EDDM3A: variants seen among roughly 807,000 people sequenced by gnomAD.
The protein encoded by EDDM3A is epididymal protein 3A.
For missense variants in EDDM3A, 199 were observed against 177.4 expected (o/e 1.12, Z -0.69); for synonymous variants, 75 against 60.4 (o/e 1.24, Z -1.12).
upstream of EDDM3A, among the ~76,000 whole-genome samples, chr14:20,745,525 CAA>C (rs5807049): frequency 2.9e-5 from 4 of 137,392 alleles, no homozygotes; most frequent in African/African-American, 2.7e-5. Context: ...GACTCCATCT[CAA>C]AAAAAAAAAA....
At chr14:20,739,653 C>T in the EDDM3A span, among the ~76,000 whole-genome samples, 1 of 152,186 alleles carries the variant, frequency 6.6e-6, no homozygotes, top group Non-Finnish European at 1.5e-5. Context: ...GCATTTCAGC[C>T]ATTCTAATAG....
the EDDM3A span, among the ~76,000 whole-genome samples, chr14:20,740,448 T>C: frequency 6.6e-6 from 1 of 152,234 alleles, no homozygotes; most frequent in African/African-American, 2.4e-5. Flanking sequence ...AAAACATCTC[T>C]GGTAAGTGTT....
At chr14:20,745,017 T>G (rs1375335343), upstream of EDDM3A, among the ~76,000 whole-genome samples, 1 of 151,256 alleles carries the variant, frequency 6.6e-6, no homozygotes, top group Non-Finnish European at 1.5e-5. Context: ...GGCTCAGGAG[T>G]TCAAGACCAA....
chr14:20,745,514 A>G (rs1465257459), upstream of EDDM3A, among the ~76,000 whole-genome samples: 2 of 141,974 alleles, frequency 1.4e-5, no homozygotes, highest in East Asian at 4.4e-4. Context: ...CAACAGAGCG[A>G]GACTCCATCT....
At chr14:20,740,257 T>C in the EDDM3A span, among the ~76,000 whole-genome samples, 673 of 152,342 alleles carry the variant, frequency 4.4e-3, 30 homozygotes, top group East Asian at 0.1. Flanking sequence ...TCTATTATGG[T>C]TAAAGTTTAG....
At chr14:20,738,249 G>A in the EDDM3A span, among the ~76,000 whole-genome samples, 50 of 152,038 alleles carry the variant, frequency 3.3e-4, 1 homozygote, top group African/African-American at 9.7e-4. Flanking sequence ...CGAAGCAGGC[G>A]GATCACAAGG....
chr14:20,740,572 C>T, the EDDM3A span, among the ~76,000 whole-genome samples: 7 of 152,322 alleles, frequency 4.6e-5, no homozygotes, highest in South Asian at 1.4e-3. Context: ...GACATTTTTA[C>T]CAATTGGAAG....
At chr14:20,738,717 A>G in the EDDM3A span, among the ~76,000 whole-genome samples, 1 of 152,202 alleles carries the variant, frequency 6.6e-6, no homozygotes, top group Non-Finnish European at 1.5e-5. Flanking sequence ...TCTCACGTAT[A>G]CATGGGAGAA....
At chr14:20,743,485 G>A (rs1048272663), upstream of EDDM3A, among the ~76,000 whole-genome samples, 1 of 147,442 alleles carries the variant, frequency 6.8e-6, no homozygotes, top group Non-Finnish European at 1.5e-5. Context: ...AGGAGGCAGA[G>A]GTTCCAGTGA....
At chr14:20,738,092 A>C in the EDDM3A span, among the ~76,000 whole-genome samples, 6 of 152,168 alleles carry the variant, frequency 3.9e-5, no homozygotes, top group Non-Finnish European at 8.8e-5. Context: ...CAGTTCCTCA[A>C]CTTTGCAATT....
At chr14:20,740,293 A>G in the EDDM3A span, among the ~76,000 whole-genome samples, 1 of 152,230 alleles carries the variant, frequency 6.6e-6, no homozygotes, top group East Asian at 1.9e-4. Flanking sequence ...GAGGGTCCTC[A>G]TGGGCATTTG....
upstream of EDDM3A, among the ~76,000 whole-genome samples, chr14:20,741,792 T>C (rs1888565): frequency 0.46 from 70,236 of 151,998 alleles, 16,313 homozygotes; most frequent in African/African-American, 0.48. Flanking sequence ...ATATTTCCCA[T>C]GTGGAGCCCT....
At position 20,748,245 on chromosome 14, in the gene EDDM3A, C is replaced by T; in HGVS notation, c.*221C>T. On this transcript the variant is annotated 3_prime_UTR_variant, in exon 2 of 2. Coordinates refer to ENST00000326842, the MANE Select transcript of EDDM3A (RefSeq NM_006683.5). ...TGTCCTAATTTGCCTAATTTACACC[C>T]ACATTTTTTCCAAGATTCAGCTCAT... 2.2e-6 allele frequency: 1 copy of T among 461,848 alleles called. No individual in the cohort carries two copies. The allele number at this position is 461,848 out of a possible 1,614,324, so 28.6% of individuals were successfully genotyped here.
At chr14:20,741,633 C>T (rs1877436794), upstream of EDDM3A, among the ~76,000 whole-genome samples, 1 of 152,120 alleles carries the variant, frequency 6.6e-6, no homozygotes, top group African/African-American at 2.4e-5. Flanking sequence ...AAAGACTGAC[C>T]AAACCACAAA....
At chr14:20,737,467 C>T in the EDDM3A span, among the ~76,000 whole-genome samples, 4 of 152,200 alleles carry the variant, frequency 2.6e-5, no homozygotes, top group East Asian at 3.9e-4. Context: ...GCTATACACA[C>T]GCGGGATGAG....
chr14:20,746,528 G>C (rs1226706259), intron 1 of EDDM3A, among the ~76,000 whole-genome samples: 1 of 152,176 alleles, frequency 6.6e-6, no homozygotes, highest in Admixed American at 6.5e-5. Flanking sequence ...CTCTGCGGGG[G>C]ACTGTTTTAG....
chr14:20,747,020 A>G (rs1366736772), intron 1 of EDDM3A, among the ~76,000 whole-genome samples: 1 of 143,550 alleles, frequency 7.0e-6, no homozygotes, highest in African/African-American at 2.6e-5. Context: ...TGAAATTCTC[A>G]AAAGGTACTT....
upstream of EDDM3A, among the ~76,000 whole-genome samples, chr14:20,742,758 A>G (rs899470077): frequency 5.4e-5 from 8 of 148,204 alleles, no homozygotes; most frequent in African/African-American, 2.0e-4. Context: ...GGCCTTAAAA[A>G]TTTTTCTTTT....
At chr14:20,740,656 T>G in the EDDM3A span, among the ~76,000 whole-genome samples, 1 of 150,744 alleles carries the variant, frequency 6.6e-6, no homozygotes, top group Non-Finnish European at 1.5e-5. Context: ...TTTTTTTGTT[T>G]TGTTTTGTTT....
Sources: gnomAD v4.1 joint callset for allele counts (sites outside exome capture counted in the v4.1 genomes callset) on GRCh38, gnomAD v4.1.1 for gene constraint, MANE v1.5 for transcripts, NCBI Gene and HGNC (gene_info 2026-07-23, HGNC 2026-07-21) for gene names.